Variants in RIC3 observed in about 807,000 individuals in gnomAD.
RIC3 encodes RIC3 acetylcholine receptor chaperone.
A neutral mutation model predicts 27.3 loss-of-function variants in RIC3; 28 were observed. The ratio of observed to expected loss-of-function variants is 1.02; its 90% CI spans 0.76 to 1.41. The LOEUF (loss-of-function observed/expected upper bound fraction) is 1.41, where lower values mean the gene tolerates loss of function less well. Among genes scored for constraint, RIC3 ranks in the 40% most tolerant of loss-of-function variants. The probability of loss-of-function intolerance (pLI) is 0.00; values close to 1 mark genes in which losing one functional copy is unlikely to be tolerated. For missense variants in RIC3, 501 were observed against 444.7 expected (o/e 1.13, Z -1.14); for synonymous variants, 184 against 160.4 (o/e 1.15, Z -1.11).
At chr11:8,145,999 A>G (rs1453845304) in intron 1 of RIC3, among the ~76,000 whole-genome samples, 3 of 152,204 alleles carry the variant, frequency 2.0e-5, no homozygotes, top group Non-Finnish European at 2.9e-5. Context: ...ATATGTACAC[A>G]CCCTATGATC....
chr11:8,126,472 T>C lies in RIC3; in HGVS notation c.670+187A>G, dbSNP rs1419678341. On this transcript the variant is annotated intron_variant, in intron 5 of 5. Coordinates refer to ENST00000309737, the MANE Select transcript of RIC3 (RefSeq NM_001206671.4). ...TTTCTGGAGTAATGGAAATGTTCTT[T>C]ATCAAAATTACGGTGTGATTACACA... is the stretch of plus-strand genomic sequence containing the variant. Among the ~76,000 whole-genome samples the C allele has an allele frequency of 2.0e-5, 3 of 152,316 alleles. No homozygotes were observed. In the East Asian group the frequency reaches 5.8e-4, roughly 29 times the overall value.
chr11:8,160,056 C>T (rs940270906), intron 1 of RIC3, among the ~76,000 whole-genome samples: 2 of 152,054 alleles, frequency 1.3e-5, no homozygotes, highest in African/African-American at 2.4e-5. Context: ...AAAATTATAA[C>T]ATGGTGGGAA....
rs189090157 is a variant in RIC3, at chr11:8,153,937, T to C, written c.125-13744A>G. Among the ~76,000 whole-genome samples the C allele has an allele frequency of 3.9e-5, 6 of 152,326 alleles. No homozygotes were observed. In the East Asian group the frequency reaches 9.6e-4, roughly 24 times the overall value. On this transcript the variant is annotated intron_variant, in intron 1 of 5. Coordinates refer to ENST00000309737, the MANE Select transcript of RIC3 (RefSeq NM_001206671.4). ...AGACGGTAGGCAACAATGACAATGC[T>C]GCATTTGGCAAAGATTTCTCTTCTC...
At chr11:8,099,859 G>A in the RIC3 span, among the ~76,000 whole-genome samples, 1 of 152,212 alleles carries the variant, frequency 6.6e-6, no homozygotes. Context: ...AGTCCTGAAT[G>A]CCTGGCATGA....
At chr11:8,101,370 C>T (rs976215695), downstream of RIC3, 1 of 1,321,864 alleles carries the variant, frequency 7.6e-7, no homozygotes. Flanking sequence ...ATTCCCCTGG[C>T]ATCTCTGCTT....
chr11:8,112,349 A>G (rs536434486), intron 5 of RIC3, among the ~76,000 whole-genome samples: 33 of 147,576 alleles, frequency 2.2e-4, no homozygotes, highest in Non-Finnish European at 4.4e-4. Context: ...GCTGGAGTGC[A>G]GTGGTGCAAT....
At chr11:8,114,104 C>T (rs1945577945) in intron 5 of RIC3, among the ~76,000 whole-genome samples, 1 of 152,182 alleles carries the variant, frequency 6.6e-6, no homozygotes, top group Non-Finnish European at 1.5e-5. Context: ...GCAGATCACA[C>T]CAAATGGCCT....
At chr11:8,144,122 A>T (rs533906988) in intron 1 of RIC3, among the ~76,000 whole-genome samples, 1 of 152,194 alleles carries the variant, frequency 6.6e-6, no homozygotes, top group Non-Finnish European at 1.5e-5. Flanking sequence ...GGCATGGGCA[A>T]GGACTTCATG....
chr11:8,138,830 T>C (rs1948708702), intron 2 of RIC3: 1 of 232,664 alleles, frequency 4.3e-6, no homozygotes, highest in Admixed American at 5.1e-5. Flanking sequence ...ACAAGTTAGT[T>C]CCTCCTTCCT....
chr11:8,136,674 A>T (rs1948459111), intron 4 of RIC3, among the ~76,000 whole-genome samples: 1 of 152,232 alleles, frequency 6.6e-6, no homozygotes, highest in Non-Finnish European at 1.5e-5. Flanking sequence ...ACAAACATGA[A>T]TGCCTAATCT....
At chr11:8,097,140 A>C in the RIC3 span, 1 of 1,448,564 alleles carries the variant, frequency 6.9e-7, no homozygotes, top group Non-Finnish European at 9.6e-7. Context: ...TCCCACCGCC[A>C]CGTTAGGAGG....
At position 8,140,038 on chromosome 11, in the gene RIC3, C is replaced by T. The variant is rs758396963; in HGVS notation, c.280G>A (p.Gly94Ser). ...GGAGGGGSGR[G>S]LMGQIIPIYG... ...ATTGGAATAATCTGCCCCATCAGAC[C>T]TCTTCCACTACCTCCTCCTCCAGCA... is the stretch of plus-strand genomic sequence containing the variant. The change falls in exon 2 of 6, where the codon GGT becomes AGT. Residue 94 changes from glycine (G) to serine (S), a missense_variant. By Grantham distance (56) the Gly-to-Ser change is moderately conservative (BLOSUM62 0). Coordinates refer to ENST00000309737, the MANE Select transcript of RIC3 (RefSeq NM_001206671.4). The T allele has an allele frequency of 4.3e-6, 7 of 1,613,866 alleles. No homozygotes were observed. Among genetic ancestry groups the T allele is most frequent in the East Asian group, 2.2e-5 (1 of 44,870 alleles).
intron 1 of RIC3, among the ~76,000 whole-genome samples, chr11:8,151,386 G>A (rs373064605): frequency 2.0e-5 from 3 of 151,394 alleles, no homozygotes; most frequent in Non-Finnish European, 4.4e-5. Flanking sequence ...AGGAGATCGA[G>A]ACCATCCTGG....
chr11:8,098,988 G>A, the RIC3 span: 5 of 801,188 alleles, frequency 6.2e-6, no homozygotes, highest in East Asian at 1.2e-4. Context: ...AGGCTGTGTG[G>A]AGAGGGGCTG....
chr11:8,115,751 C>T (rs551887585), intron 5 of RIC3, among the ~76,000 whole-genome samples: 2 of 152,068 alleles, frequency 1.3e-5, no homozygotes, highest in Non-Finnish European at 2.9e-5. Flanking sequence ...TTGAAGAAGA[C>T]ACAAATAAAA....
At chr11:8,125,567 T>C (rs1236936603) in intron 5 of RIC3, among the ~76,000 whole-genome samples, 1 of 152,088 alleles carries the variant, frequency 6.6e-6, no homozygotes, top group African/African-American at 2.4e-5. Context: ...AAAGGTAAAT[T>C]AAAGTCACAA....
intron 1 of RIC3, among the ~76,000 whole-genome samples, chr11:8,167,123 T>A (rs1407221949): frequency 6.6e-6 from 1 of 152,162 alleles, no homozygotes. Flanking sequence ...AAACAGAATT[T>A]ACAGTATTGG....
intron 5 of RIC3, among the ~76,000 whole-genome samples, chr11:8,116,175 G>A (rs1009832686): frequency 1.3e-5 from 2 of 152,030 alleles, no homozygotes; most frequent in African/African-American, 4.8e-5. Context: ...ACACAAAAAG[G>A]TCAAAGGACA....
the RIC3 span, chr11:8,097,376 G>A: frequency 6.2e-7 from 1 of 1,614,206 alleles, no homozygotes; most frequent in Non-Finnish European, 8.5e-7. Flanking sequence ...ATGGACCGGG[G>A]CATGTACCCC....
Sources: allele counts gnomAD v4.1 joint callset (sites outside exome capture counted in the v4.1 genomes callset), GRCh38; gene constraint gnomAD v4.1.1; transcripts MANE v1.5; gene names NCBI Gene and HGNC (gene_info 2026-07-23, HGNC 2026-07-21).